SLC16A7: variants seen among roughly 807,000 people sequenced by gnomAD.
SLC16A7 encodes the protein solute carrier family 16 member 7, also known as monocarboxylate transporter 2.
SLC16A7 carries 33 observed loss-of-function variants against 34.9 expected under a neutral mutation model. The observed-to-expected ratio is 0.94, with a 90% CI of 0.72 to 1.26. The LOEUF (loss-of-function observed/expected upper bound fraction) is 1.26, where lower values mean the gene tolerates loss of function less well. SLC16A7 is among the 50% of genes most tolerant of loss of function. The pLI, the probability that SLC16A7 is intolerant of heterozygous loss-of-function variation, is 0.00. For missense variants in SLC16A7, 573 were observed against 578.1 expected (o/e 0.99, Z 0.09); for synonymous variants, 201 against 206.6 (o/e 0.97, Z 0.23).
At chr12:59,607,722 A>G (rs1205825505) in intron 1 of SLC16A7, among the ~76,000 whole-genome samples, 1 of 152,150 alleles carries the variant, frequency 6.6e-6, no homozygotes, top group Admixed American at 6.6e-5. Context: ...TACTGAGCAT[A>G]CAACTAAGTA....
At chr12:59,641,813 T>C (rs1225628513) in intron 1 of SLC16A7, among the ~76,000 whole-genome samples, 1 of 152,054 alleles carries the variant, frequency 6.6e-6, no homozygotes, top group Non-Finnish European at 1.5e-5. Context: ...TCAATGTATG[T>C]CACTTTCTTT....
chr12:59,670,701 G>A lies in SLC16A7; in HGVS notation c.-31+15451G>A, dbSNP rs985577498. On this transcript the variant is annotated intron_variant, in intron 2 of 5. Coordinates refer to ENST00000547379, the MANE Select transcript of SLC16A7 (RefSeq NM_001270623.2). ...GGAGAAATTGGAAGGAAAAACAAAT[G>A]GTGTCACTGGTCTAAATTCACTGGT... is the stretch of plus-strand genomic sequence containing the variant. Among the ~76,000 whole-genome samples the A allele has an allele frequency of 3.3e-5, 5 of 152,142 alleles. No homozygotes were observed. In the East Asian group the frequency reaches 5.8e-4, roughly 18 times the overall value.
At chr12:59,693,530 C>T (rs1306634099) in intron 2 of SLC16A7, among the ~76,000 whole-genome samples, 2 of 151,840 alleles carry the variant, frequency 1.3e-5, no homozygotes, top group South Asian at 2.1e-4. Flanking sequence ...TTCAGTCCAT[C>T]CCACCACATA....
chr12:59,659,208 G>A (rs1370348792), intron 2 of SLC16A7, among the ~76,000 whole-genome samples: 6 of 149,530 alleles, frequency 4.0e-5, no homozygotes, highest in East Asian at 3.9e-4. Flanking sequence ...GCATGTGCAC[G>A]CACACACACA....
At chr12:59,647,311 G>A (rs970455079) in intron 1 of SLC16A7, among the ~76,000 whole-genome samples, 7 of 152,100 alleles carry the variant, frequency 4.6e-5, no homozygotes, top group African/African-American at 1.7e-4. Context: ...TTACCCCTGT[G>A]CTGTTCCTGT....
At chr12:59,666,224 T>G (rs1592454076) in intron 2 of SLC16A7, among the ~76,000 whole-genome samples, 1 of 152,212 alleles carries the variant, frequency 6.6e-6, no homozygotes, top group African/African-American at 2.4e-5. Context: ...ATATTCATGT[T>G]GTTTTTTAGA....
rs549172298 is a variant in SLC16A7, at chr12:59,611,226, A to G, written c.-130+14990A>G. ...ATGTTTAATTGACTCACAGTTCTGC[A>G]TGGCTGGAGAGGACTCAGCAAACTT... is the stretch of plus-strand genomic sequence containing the variant. On this transcript the variant is annotated intron_variant, in intron 1 of 5. Coordinates refer to ENST00000547379, the MANE Select transcript of SLC16A7 (RefSeq NM_001270623.2). 2.4e-4 allele frequency among the ~76,000 whole-genome samples: 37 copies of G among 152,336 alleles called. No individual in the cohort carries two copies. In the South Asian group the frequency reaches 5.8e-3, roughly 24 times the overall value.
Position 59,779,530 on chromosome 12 carries a change from A to G in SLC16A7, c.1288A>G (p.Arg430Gly). 1 of 1,612,926 alleles carries G rather than the reference A, an allele frequency of 6.2e-7. No homozygotes were observed. The highest frequency in any genetic ancestry group is 8.5e-7 in the Non-Finnish European group (1 of 1,179,258). Reference sequence around the variant, plus strand: ...GCTCATTGGCAATGCTATCAACTATAGATTGCTTGCAAAGGAAAGGAAGGA... The same window carrying G: ...GCTCATTGGCAATGCTATCAACTATGGATTGCTTGCAAAGGAAAGGAAGGA... Reference protein sequence around the residue: ...WLLIGNAINYRLLAKERKEEN... With the variant: ...WLLIGNAINYGLLAKERKEEN... The change falls in exon 6 of 6, where the codon AGA (arginine) becomes GGA (glycine). Residue 430 changes from arginine to glycine, a missense_variant. Transcript: ENST00000547379.
At chr12:59,700,888 A>G (rs1872795820) in intron 2 of SLC16A7, among the ~76,000 whole-genome samples, 2 of 151,740 alleles carry the variant, frequency 1.3e-5, no homozygotes, top group African/African-American at 4.8e-5. Context: ...TTAACTATGT[A>G]CAGATGACTA....
Position 59,755,551 on chromosome 12 carries a change from G to T in SLC16A7, c.218-15668G>T, listed in dbSNP as rs576134428. Among the ~76,000 whole-genome samples, 124 of 152,252 alleles carry T rather than the reference G, an allele frequency of 8.1e-4. 2 individuals carry two copies. In the South Asian group the frequency reaches 0.012, roughly 15 times the overall value. On this transcript the variant is annotated intron_variant, in intron 3 of 5. Transcript: ENST00000547379. ...ATACCTAGGAATCCACCTTACAAGG[G>T]ATGAGAAGGACCTCTTCAAGGAGAA... is the stretch of plus-strand genomic sequence containing the variant.
rs1206010336 is a variant in SLC16A7, at chr12:59,780,273, T to C, written c.*594T>C. 1.3e-5 allele frequency: 2 copies of C among 152,078 alleles called. No individual in the cohort carries two copies. The highest frequency in any genetic ancestry group is 2.9e-5 in the Non-Finnish European group (2 of 68,008). The allele number at this position is 152,078 out of a possible 1,614,324, so 9.4% of individuals were successfully genotyped here. ...AAGATAAAAGAAACATATGTCTGCG[T>C]GCTACTTTACAATGTTGGTTTTAAA... On this transcript the variant is annotated 3_prime_UTR_variant, in exon 6 of 6. Transcript: ENST00000547379.
At chr12:59,629,407 A>T (rs1046005335) in intron 1 of SLC16A7, among the ~76,000 whole-genome samples, 1 of 151,964 alleles carries the variant, frequency 6.6e-6, no homozygotes, top group Non-Finnish European at 1.5e-5. Flanking sequence ...AAAATCTTCT[A>T]TTCAGAAGCT....
rs1880104441 is a variant in SLC16A7, at chr12:59,754,884, C to T, written c.218-16335C>T. Reference sequence around the variant, plus strand: ...TAAAATACTGGCAAAACGAATCCACCAGCACATCAAAAAGTTTATCCACCA... The same window carrying T: ...TAAAATACTGGCAAAACGAATCCACTAGCACATCAAAAAGTTTATCCACCA... On this transcript the variant is annotated intron_variant, in intron 3 of 5. Coordinates refer to ENST00000547379, the MANE Select transcript of SLC16A7 (RefSeq NM_001270623.2). Among the ~76,000 whole-genome samples the T allele has an allele frequency of 5.3e-5, 8 of 152,244 alleles. No homozygotes were observed. In the South Asian group the frequency reaches 1.5e-3, roughly 28 times the overall value.
intron 1 of SLC16A7, among the ~76,000 whole-genome samples, chr12:59,600,975 G>A (rs777884082): frequency 6.6e-6 from 1 of 152,056 alleles, no homozygotes; most frequent in Non-Finnish European, 1.5e-5. Context: ...AGGTACTTTC[G>A]TTAAGTTCCA....
chr12:59,616,221 T>G (rs1879442507), intron 1 of SLC16A7, among the ~76,000 whole-genome samples: 1 of 152,194 alleles, frequency 6.6e-6, no homozygotes, highest in Admixed American at 6.5e-5. Flanking sequence ...AGGCATTTAT[T>G]AAAGTATTTA....
At chr12:59,704,191 C>T (rs1392863901) in intron 2 of SLC16A7, among the ~76,000 whole-genome samples, 3 of 109,988 alleles carry the variant, frequency 2.7e-5, no homozygotes, top group African/African-American at 1.1e-4. Flanking sequence ...CAGAGTGAGA[C>T]TCTGTCTCAA....
At chr12:59,726,697 C>T (rs1034204026) in intron 3 of SLC16A7, among the ~76,000 whole-genome samples, 4 of 151,998 alleles carry the variant, frequency 2.6e-5, no homozygotes, top group Non-Finnish European at 4.4e-5. Context: ...TTGGATTCTC[C>T]GTCTTGGGCT....
chr12:59,639,060 C>T (rs551738529), intron 1 of SLC16A7, among the ~76,000 whole-genome samples: 2 of 152,192 alleles, frequency 1.3e-5, no homozygotes, highest in Non-Finnish European at 2.9e-5. Context: ...CAATTTTCAA[C>T]ACCTGTTTCA....
chr12:59,741,959 C>T (rs912690232), intron 3 of SLC16A7, among the ~76,000 whole-genome samples: 27 of 152,192 alleles, frequency 1.8e-4, no homozygotes, highest in African/African-American at 6.0e-4. Context: ...CAGGAGTGGA[C>T]GTTTATTAAA....
Sources: allele counts gnomAD v4.1 joint callset (sites outside exome capture counted in the v4.1 genomes callset), GRCh38; gene constraint gnomAD v4.1.1; transcripts MANE v1.5; gene names NCBI Gene and HGNC (gene_info 2026-07-23, HGNC 2026-07-21).